Variants in PLCB1 observed in about 807,000 individuals in gnomAD.
The protein encoded by PLCB1 is 1-phosphatidylinositol 4,5-bisphosphate phosphodiesterase beta-1.
Under a neutral mutation model 161.8 loss-of-function variants are expected in PLCB1, and 46 were observed. The ratio of observed to expected loss-of-function variants is 0.28; its 90% CI spans 0.22 to 0.36. PLCB1 has a LOEUF of 0.36. PLCB1 is among the 10% of genes least tolerant of loss of function. PLCB1 has a pLI of 1.00. For missense variants in PLCB1, 1,016 were observed against 1,472.5 expected (o/e 0.69, Z 5.07); for synonymous variants, 517 against 503.7 (o/e 1.03, Z -0.35).
intron 22 of PLCB1, among the ~76,000 whole-genome samples, chr20:8,741,020 G>A (rs537353200): frequency 6.1e-4 from 93 of 152,282 alleles, no homozygotes; most frequent in Middle Eastern, 3.4e-3. Flanking sequence ...CCAACAGTCC[G>A]GAAAGCAGGC....
chr20:8,741,694 T>G (rs188253610), intron 23 of PLCB1, 121 bp downstream of exon 23: 91 of 637,490 alleles, frequency 1.4e-4, no homozygotes, highest in Non-Finnish European at 2.9e-6. Context: ...AACAACACTT[T>G]CATGCAGTTT....
intron 31 of PLCB1, among the ~76,000 whole-genome samples, chr20:8,803,080 T>A (rs1455720891): frequency 1.3e-5 from 2 of 152,240 alleles, no homozygotes; most frequent in Non-Finnish European, 2.9e-5. Context: ...AAAGAATTAC[T>A]GAAAATAACT....
Position 8,710,584 on chromosome 20 carries a change from G to A in PLCB1, c.1250+1832G>A, listed in dbSNP as rs181898202. 3.0e-3 allele frequency among the ~76,000 whole-genome samples: 402 copies of A among 133,062 alleles called. 5 individuals are homozygous for A. The Admixed American group carries it at 0.031, about 10-fold the overall frequency. The allele number at this position is 133,062 out of a possible 152,430, so 87.3% of individuals were successfully genotyped here. Reference sequence around the variant, plus strand: ...GGCTGGAGTGCCATGGCACAATCCTGGTTCACTGCAACCTCCATCTCCCGA... The same window carrying A: ...GGCTGGAGTGCCATGGCACAATCCTAGTTCACTGCAACCTCCATCTCCCGA... On this transcript the variant is annotated intron_variant, in intron 12 of 31. Coordinates refer to ENST00000338037, the MANE Select transcript of PLCB1 (RefSeq NM_015192.4).
At chr20:8,642,533 G>A (rs182354557) in intron 4 of PLCB1, among the ~76,000 whole-genome samples, 10 of 152,214 alleles carry the variant, frequency 6.6e-5, no homozygotes, top group East Asian at 3.9e-4. Flanking sequence ...ATGAGTAGAG[G>A]TAATCAGAAT....
chr20:8,778,019 A>G (rs1983031103), intron 27 of PLCB1, among the ~76,000 whole-genome samples: 1 of 152,096 alleles, frequency 6.6e-6, no homozygotes, highest in African/African-American at 2.4e-5. Flanking sequence ...ACCTCCCACC[A>G]GGTCCCGCCC....
At chr20:8,311,102 T>C (rs1984379593) in intron 2 of PLCB1, among the ~76,000 whole-genome samples, 1 of 152,162 alleles carries the variant, frequency 6.6e-6, no homozygotes, top group Non-Finnish European at 1.5e-5. Context: ...TAAAAAATGG[T>C]CTATATTTTG....
chr20:8,549,127 C>A (rs1050613834), intron 3 of PLCB1, among the ~76,000 whole-genome samples: 9 of 152,072 alleles, frequency 5.9e-5, no homozygotes. Flanking sequence ...AACAAGCCTG[C>A]ATGTTCTGCA....
At chr20:8,343,204 G>A (rs1985877271) in intron 2 of PLCB1, among the ~76,000 whole-genome samples, 2 of 152,202 alleles carry the variant, frequency 1.3e-5, no homozygotes, top group Admixed American at 1.3e-4. Context: ...TGGGGCCTGA[G>A]ATTCTACATT....
chr20:8,733,903 C>T (rs1375053817), intron 19 of PLCB1, among the ~76,000 whole-genome samples: 2 of 149,140 alleles, frequency 1.3e-5, no homozygotes, highest in East Asian at 2.0e-4. Flanking sequence ...AGGTGGATCA[C>T]GAGGTCAGGA....
intron 27 of PLCB1, among the ~76,000 whole-genome samples, chr20:8,777,111 A>T (rs1982980848): frequency 6.6e-6 from 1 of 151,990 alleles, no homozygotes; most frequent in African/African-American, 2.4e-5. Flanking sequence ...CCTGAAGAGG[A>T]TTATAGGGCA....
intron 31 of PLCB1, among the ~76,000 whole-genome samples, chr20:8,854,697 G>A (rs1350577521): frequency 2.6e-5 from 4 of 152,174 alleles, no homozygotes; most frequent in Admixed American, 2.6e-4. Flanking sequence ...AATTCAAAAG[G>A]AAAACTGAAA....
intron 3 of PLCB1, among the ~76,000 whole-genome samples, chr20:8,541,235 A>G (rs1351691087): frequency 6.6e-6 from 1 of 152,178 alleles, no homozygotes; most frequent in Non-Finnish European, 1.5e-5. Context: ...TAGCTTTGTA[A>G]CTGCTGGTGT....
chr20:8,686,065 T>C lies in PLCB1; in HGVS notation c.1009+987T>C, dbSNP rs1990351293. Among the ~76,000 whole-genome samples, 3 of 152,272 alleles carry C rather than the reference T, an allele frequency of 2.0e-5. No individual in the cohort carries two copies. In the South Asian group the frequency reaches 6.2e-4, roughly 32 times the overall value. ...TATCTCAGTATTAACACAATTTAAATAAGTATAAGTAAAATGTTGTGATAA... is the reference window on the plus strand; with the variant it reads ...TATCTCAGTATTAACACAATTTAAACAAGTATAAGTAAAATGTTGTGATAA... On this transcript the variant is annotated intron_variant, in intron 10 of 31. Transcript: ENST00000338037.
intron 2 of PLCB1, among the ~76,000 whole-genome samples, chr20:8,308,946 CA>C (rs1187094799): frequency 1.3e-5 from 2 of 151,670 alleles, no homozygotes; most frequent in African/African-American, 4.8e-5. Flanking sequence ...TAAAAAATCT[CA>C]GATTTGTTGA....
chr20:8,329,456 G>T (rs1223400908), intron 2 of PLCB1, among the ~76,000 whole-genome samples: 1 of 147,830 alleles, frequency 6.8e-6, no homozygotes, highest in African/African-American at 2.7e-5. Flanking sequence ...CCTGGCCAAA[G>T]ACTTGTTTTT....
At chr20:8,141,708 T>C (rs909736794) in intron 1 of PLCB1, among the ~76,000 whole-genome samples, 2 of 151,914 alleles carry the variant, frequency 1.3e-5, no homozygotes, top group Non-Finnish European at 2.9e-5. Context: ...CGTGGAAACA[T>C]GCATGTGGAA....
Position 8,190,321 on chromosome 20 carries a change from T to C in PLCB1, c.177+39950T>C, listed in dbSNP as rs1461688798. 3.3e-5 allele frequency among the ~76,000 whole-genome samples: 5 copies of C among 152,160 alleles called. No individual in the cohort carries two copies. In the East Asian group the frequency reaches 5.8e-4, roughly 18 times the overall value. On this transcript the variant is annotated intron_variant, in intron 2 of 31. Transcript: ENST00000338037. Reference sequence around the variant, plus strand: ...ATAAGTAGTTTCTTAATATCTCTTTTTGTACTTGCTATTGAAAGTATTTAG... The same window carrying C: ...ATAAGTAGTTTCTTAATATCTCTTTCTGTACTTGCTATTGAAAGTATTTAG...
intron 3 of PLCB1, among the ~76,000 whole-genome samples, chr20:8,402,386 C>T (rs543463895): frequency 2.6e-5 from 4 of 152,034 alleles, no homozygotes; most frequent in Non-Finnish European, 5.9e-5. Context: ...TCATATAGAT[C>T]TTACAGTTAA....
chr20:8,248,032 G>C (rs1483683462), intron 2 of PLCB1, among the ~76,000 whole-genome samples: 1 of 151,944 alleles, frequency 6.6e-6, no homozygotes, highest in African/African-American at 2.4e-5. Flanking sequence ...GTGTTCCCCA[G>C]AAACAGACCT....
Sources: gnomAD v4.1 joint callset for allele counts (sites outside exome capture counted in the v4.1 genomes callset) on GRCh38, gnomAD v4.1.1 for gene constraint, MANE v1.5 for transcripts, NCBI Gene and HGNC (gene_info 2026-07-23, HGNC 2026-07-21) for gene names.